UGT1A8: variants seen among roughly 807,000 people sequenced by gnomAD.
UGT1A8 encodes UDP glucuronosyltransferase family 1 member A8, also known as UDP-glucuronosyltransferase 1A8.
A neutral mutation model predicts 45.3 loss-of-function variants in UGT1A8; 39 were observed. The ratio of observed to expected loss-of-function variants is 0.86; its 90% CI spans 0.67 to 1.12. The LOEUF (loss-of-function observed/expected upper bound fraction) is 1.12. UGT1A8 is among the 50% of genes most tolerant of loss of function. UGT1A8 has a pLI of 0.00. For synonymous variants in UGT1A8, 275 were observed against 249.2 expected, an observed-to-expected ratio of 1.10 and a Z score of -0.97; for missense variants, 719 against 664.9, an observed-to-expected ratio of 1.08 and a Z score of -0.90.
At chr2:233,683,286 A>G (rs915377782) in intron 1 of UGT1A8, among the ~76,000 whole-genome samples, 1 of 152,098 alleles carries the variant, frequency 6.6e-6, no homozygotes, top group African/African-American at 2.4e-5. Context: ...TAAGTTAAAG[A>G]TATCTTTACA....
At chr2:233,725,138 T>G (rs1450596211) in intron 1 of UGT1A8, among the ~76,000 whole-genome samples, 3 of 132,684 alleles carry the variant, frequency 2.3e-5, no homozygotes, top group Middle Eastern at 3.7e-3. Flanking sequence ...ATGGCAGCAG[T>G]ACAGTCCAGC....
At chr2:233,682,006 C>T in intron 1 of UGT1A8, 8 of 1,614,136 alleles carry the variant, frequency 5.0e-6, no homozygotes, top group Non-Finnish European at 6.8e-6. Flanking sequence ...GTGGCTTTGC[C>T]AAGGCAGGGA....
At chr2:233,732,137 TTTG>T (rs1309636549) in intron 1 of UGT1A8, among the ~76,000 whole-genome samples, 1 of 152,050 alleles carries the variant, frequency 6.6e-6, no homozygotes, top group African/African-American at 2.4e-5. Context: ...AGGTTGTTTG[TTTG>T]TTTTTTTTCT....
intron 1 of UGT1A8, among the ~76,000 whole-genome samples, chr2:233,661,477 A>G (rs1362719834): frequency 6.6e-6 from 1 of 152,142 alleles, no homozygotes; most frequent in Non-Finnish European, 1.5e-5. Context: ...TTTATCCATT[A>G]ACTCTTTGAA....
In UGT1A8 at chr2:233,768,225, C is replaced by T; in HGVS notation, c.1081C>T (p.Pro361Ser). 6.2e-7 allele frequency: 1 copy of T among 1,614,112 alleles called. No homozygotes were observed. The highest frequency in any genetic ancestry group is 8.5e-7 in the Non-Finnish European group (1 of 1,180,032). Reference protein sequence around the residue: ...WLPQNDLLGHPMTRAFITHAG... With the variant: ...WLPQNDLLGHSMTRAFITHAG... Reference sequence around the variant, plus strand: ...CTCCCTATTTTGCATCTCAGGTCACCCGATGACCCGTGCCTTTATCACCCA... The same window carrying T: ...CTCCCTATTTTGCATCTCAGGTCACTCGATGACCCGTGCCTTTATCACCCA... Residue 361 changes from proline (P) to serine (S), a missense_variant, in exon 4 of 5, where the codon CCG becomes TCG. Pro to Ser is a moderately conservative substitution (Grantham distance 74). Transcript: ENST00000373450.
At chr2:233,661,695 C>CTTTCTTT in intron 1 of UGT1A8, among the ~76,000 whole-genome samples, 2 of 116,846 alleles carry the variant, frequency 1.7e-5, no homozygotes, top group African/African-American at 3.5e-5. Context: ...AAACAAAGGT[C>CTTTCTTT]CTTATCTGGA....
intron 1 of UGT1A8, among the ~76,000 whole-genome samples, chr2:233,701,548 T>G (rs2075635048): frequency 6.6e-6 from 1 of 152,172 alleles, no homozygotes; most frequent in African/African-American, 2.4e-5. Context: ...TACATTCTTT[T>G]CAGCACCACA....
chr2:233,686,249 A>AT (rs142649436), intron 1 of UGT1A8, among the ~76,000 whole-genome samples: 328 of 149,594 alleles, frequency 2.2e-3, no homozygotes, highest in Admixed American at 5.4e-3. Context: ...GGTTTCTGAG[A>AT]TTTTTTTTTT....
In UGT1A8 at chr2:233,671,793, A is replaced by G. The variant is rs984326169; in HGVS notation, c.855+53231A>G. On this transcript the variant is annotated intron_variant, in intron 1 of 4. Coordinates refer to ENST00000373450, the MANE Select transcript of UGT1A8 (RefSeq NM_019076.5). ...ATATTCTTGTTCTTTTGGGTAAATCATTGTCAGTGACTGATTTTTTTTTTA... is the reference window on the plus strand; with the variant it reads ...ATATTCTTGTTCTTTTGGGTAAATCGTTGTCAGTGACTGATTTTTTTTTTA... 2.8e-5 allele frequency: 39 copies of G among 1,409,916 alleles called. No individual in the cohort carries two copies. The African/African-American group carries it at 4.4e-4, about 16-fold the overall frequency. The allele number at this position is 1,409,916 out of a possible 1,614,324, so 87.3% of individuals were successfully genotyped here.
intron 1 of UGT1A8, among the ~76,000 whole-genome samples, chr2:233,680,000 CTTTT>C (rs1404086199): frequency 6.6e-6 from 1 of 152,136 alleles, no homozygotes; most frequent in Non-Finnish European, 1.5e-5. Flanking sequence ...CTTTTCTTCT[CTTTT>C]CTTTCTTTCT....
chr2:233,755,078 GA>G (rs1559400130), intron 1 of UGT1A8: 1 of 1,336,544 alleles, frequency 7.5e-7, no homozygotes, highest in South Asian at 1.1e-5. Flanking sequence ...AGCGGTCATA[GA>G]TATCGCGTTT....
chr2:233,684,489 A>G (rs1035081818), intron 1 of UGT1A8, among the ~76,000 whole-genome samples: 7 of 152,168 alleles, frequency 4.6e-5, no homozygotes, highest in Non-Finnish European at 1.0e-4. Context: ...TCAAAGGGTC[A>G]CCCAAAGGGA....
Position 233,719,098 on chromosome 2 carries a change from C to T in UGT1A8, c.856-47936C>T, listed in dbSNP as rs188914242. 5.5e-5 allele frequency: 89 copies of T among 1,614,240 alleles called. 1 individual carries two copies. In the Admixed American group the frequency reaches 7.3e-4, roughly 13 times the overall value. On this transcript the variant is annotated intron_variant, in intron 1 of 4. Coordinates refer to ENST00000373450, the MANE Select transcript of UGT1A8 (RefSeq NM_019076.5). Reference sequence around the variant, plus strand: ...ACCCAGAAGGAATTTGATCGCGTTACGCTGGGCTACACTCAAGGGTTCTTT... The same window carrying T: ...ACCCAGAAGGAATTTGATCGCGTTATGCTGGGCTACACTCAAGGGTTCTTT...
At chr2:233,679,943 C>T (rs944629060) in intron 1 of UGT1A8, among the ~76,000 whole-genome samples, 6 of 152,200 alleles carry the variant, frequency 3.9e-5, no homozygotes, top group Admixed American at 1.3e-4. Context: ...CAAAAAGATG[C>T]GAGGTTTGGC....
intron 1 of UGT1A8, among the ~76,000 whole-genome samples, chr2:233,654,012 A>T (rs949913759): frequency 5.9e-5 from 9 of 152,354 alleles, no homozygotes; most frequent in African/African-American, 1.9e-4. Flanking sequence ...TCTTGTGCTA[A>T]TGCACTTCCA....
At chr2:233,743,977 C>A (rs1692620866) in intron 1 of UGT1A8, 2 of 1,309,814 alleles carry the variant, frequency 1.5e-6, no homozygotes, top group Middle Eastern at 2.3e-4. Context: ...CTGCCAGCAC[C>A]CAGGCGCAGG....
chr2:233,767,167 T>C lies in UGT1A8; in HGVS notation c.987+2T>C. ...GCTTTGGGCAAAATCCCTCAGACAG[T>C]AAGAAGATTCTATACCATGGCCTCA... On this transcript the variant is annotated splice_donor_variant, in intron 2 of 4. Coordinates refer to ENST00000373450, the MANE Select transcript of UGT1A8 (RefSeq NM_019076.5). LOFTEE classifies it high-confidence loss of function. The C allele has an allele frequency of 2.5e-6, 4 of 1,614,068 alleles. No homozygotes were observed. The highest frequency in any genetic ancestry group is 3.4e-6 in the Non-Finnish European group (4 of 1,180,002).
chr2:233,653,755 G>A (rs2073792307), intron 1 of UGT1A8, among the ~76,000 whole-genome samples: 1 of 152,154 alleles, frequency 6.6e-6, no homozygotes, highest in Non-Finnish European at 1.5e-5. Flanking sequence ...CACCACCACA[G>A]TCAGCAAATT....
intron 1 of UGT1A8, chr2:233,636,598 G>C: frequency 6.2e-7 from 1 of 1,614,198 alleles, no homozygotes; most frequent in Non-Finnish European, 8.5e-7. Context: ...TGCCGAGGCA[G>C]GGAAGCTGCT....
Sources: allele counts gnomAD v4.1 joint callset (sites outside exome capture counted in the v4.1 genomes callset), GRCh38; gene constraint gnomAD v4.1.1; transcripts MANE v1.5; gene names NCBI Gene and HGNC (gene_info 2026-07-23, HGNC 2026-07-21).